Variants in GPRIN3 observed in about 807,000 individuals in gnomAD.
GPRIN3 encodes the protein GPRIN family member 3, also known as G protein-regulated inducer of neurite outgrowth 3.
Under a neutral mutation model 13.7 loss-of-function variants are expected in GPRIN3, and 12 were observed. The ratio of observed to expected loss-of-function variants is 0.87; its 90% confidence interval spans 0.56 to 1.42. The LOEUF is 1.42. Ranked by LOEUF, GPRIN3 falls within the 40% of genes most tolerant of loss-of-function variation. The pLI, the probability that GPRIN3 is intolerant of heterozygous loss-of-function variation, is 0.00. For synonymous variants in GPRIN3, 377 were observed against 372.7 expected (o/e 1.01, Z -0.13); for missense variants, 1,009 against 958.7 (o/e 1.05, Z -0.69).
rs145832556 is a variant in GPRIN3, at chr4:89,273,492, A to G, written c.-123-23259T>C. Among the ~76,000 whole-genome samples, 635 of 152,174 alleles carry G rather than the reference A, an allele frequency of 4.2e-3. 6 individuals are homozygous for G. The highest frequency in any genetic ancestry group is 0.014 in the Middle Eastern group (4 of 294). On this transcript the variant is annotated intron_variant, in intron 1 of 1. Transcript: ENST00000609438. ...GTCAGGAGTTCAAGACCAGTTCAAGACCTGGCCAAAATGGTTAAACCCTGT... is the reference window on the plus strand; with the variant it reads ...GTCAGGAGTTCAAGACCAGTTCAAGGCCTGGCCAAAATGGTTAAACCCTGT...
chr4:89,281,480 A>G (rs909480703), intron 1 of GPRIN3, among the ~76,000 whole-genome samples: 1 of 152,202 alleles, frequency 6.6e-6, no homozygotes, highest in African/African-American at 2.4e-5. Context: ...TGTCGTGAAG[A>G]CAGCACTAAG....
chr4:89,298,745 C>T (rs1449602948), intron 1 of GPRIN3, among the ~76,000 whole-genome samples: 1 of 151,870 alleles, frequency 6.6e-6, no homozygotes, highest in Non-Finnish European at 1.5e-5. Context: ...TTTCTTAAAC[C>T]AGGGCCTTCT....
chr4:89,306,318 G>A (rs7653939), intron 1 of GPRIN3, among the ~76,000 whole-genome samples: 52,306 of 151,896 alleles, frequency 0.34, 11,053 homozygotes, highest in East Asian at 0.54. Flanking sequence ...AAGCACATTC[G>A]GGCGAAGTAC....
intron 1 of GPRIN3, among the ~76,000 whole-genome samples, chr4:89,287,727 C>G (rs1245293757): frequency 6.6e-6 from 1 of 152,114 alleles, no homozygotes; most frequent in African/African-American, 2.4e-5. Context: ...TTTCAAAGTT[C>G]TAACCCTGAA....
intron 1 of GPRIN3, among the ~76,000 whole-genome samples, chr4:89,260,525 G>T (rs1723595460): frequency 6.6e-6 from 1 of 152,146 alleles, no homozygotes; most frequent in Non-Finnish European, 1.5e-5. Context: ...TTTGCTTTTT[G>T]CCCTTAAGGA....
Position 89,241,595 on chromosome 4 carries a change from C to T in GPRIN3, c.*6185G>A, listed in dbSNP as rs1353920071. On this transcript the variant is annotated 3_prime_UTR_variant, in exon 2 of 2. Coordinates refer to ENST00000609438, the MANE Select transcript of GPRIN3 (RefSeq NM_198281.3). ...TTAATAAAAGGTATCTCCAGGGGCCCTTAAAACAAGAATTAGTCTTTCCTC... is the reference window on the plus strand; with the variant it reads ...TTAATAAAAGGTATCTCCAGGGGCCTTTAAAACAAGAATTAGTCTTTCCTC... 1.3e-5 allele frequency: 2 copies of T among 152,126 alleles called. No individual in the cohort carries two copies. The highest frequency in any genetic ancestry group is 2.9e-5 in the Non-Finnish European group (2 of 67,996). 9.4% of individuals were successfully genotyped at this position (152,126 alleles called of 1,614,324 possible).
chr4:89,273,315 G>A (rs1161830214), intron 1 of GPRIN3, among the ~76,000 whole-genome samples: 7 of 152,190 alleles, frequency 4.6e-5, no homozygotes, highest in Non-Finnish European at 1.0e-4. Context: ...TTAATCTGGA[G>A]TCAAACAGAT....
In GPRIN3 at chr4:89,274,473, G is replaced by C. The variant is rs534725773; in HGVS notation, c.-123-24240C>G. ...TGTACTAAAAGATACTTGCCTTTTT[G>C]ACTATGTTGATATTTGCACGGACTG... On this transcript the variant is annotated intron_variant, in intron 1 of 1. Coordinates refer to ENST00000609438, the MANE Select transcript of GPRIN3 (RefSeq NM_198281.3). Among the ~76,000 whole-genome samples the C allele has an allele frequency of 8.5e-5, 13 of 152,204 alleles. No individual in the cohort carries two copies. The South Asian group carries it at 2.5e-3, about 29-fold the overall frequency.
chr4:89,294,578 C>CA (rs1211815227), intron 1 of GPRIN3, among the ~76,000 whole-genome samples: 1 of 152,178 alleles, frequency 6.6e-6, no homozygotes, highest in Non-Finnish European at 1.5e-5. Context: ...CCCATACTGG[C>CA]ACACAGATAA....
intron 1 of GPRIN3, among the ~76,000 whole-genome samples, chr4:89,303,525 A>G (rs1323943709): frequency 6.6e-6 from 1 of 152,226 alleles, no homozygotes; most frequent in African/African-American, 2.4e-5. Flanking sequence ...AAGTAGCAGT[A>G]TTAGGAAAAT....
intron 1 of GPRIN3, among the ~76,000 whole-genome samples, chr4:89,270,596 T>TATATATATATATATAA (rs1723920895): frequency 7.8e-6 from 1 of 128,660 alleles, no homozygotes; most frequent in Non-Finnish European, 1.6e-5. Context: ...TATATATATA[T>TATATATATATATATAA]ATATAAAATA....
At position 89,248,333 on chromosome 4, in the gene GPRIN3, A is replaced by G. The variant is rs1578069143; in HGVS notation, c.1778T>C (p.Leu593Ser). 1 of 1,614,054 alleles carries G rather than the reference A, an allele frequency of 6.2e-7. No individual in the cohort carries two copies. Among genetic ancestry groups the G allele is most frequent in the Non-Finnish European group, 8.5e-7 (1 of 1,180,020 alleles). ...TGTCTTGGTCTGTCTGTTTTCTTCT[A>G]AGGTGCTCTCCTGGTTCTTCCTAAT... The part of the protein sequence containing the change: ...SPIRKNQEST[L>S]EENRQTKTAT... Residue 593 changes from leucine to serine, a missense_variant, in exon 2 of 2, where the codon TTA becomes TCA. Physicochemically the swap from Leu to Ser is moderately radical, Grantham distance 145. Transcript: ENST00000609438.
chr4:89,241,447 C>G lies in GPRIN3; in HGVS notation c.*6333G>C, dbSNP rs112378442. ...GAATGTATTGACATACCACGACCAG[C>G]TACAGTATTATGCACGACATATTGT... is the stretch of plus-strand genomic sequence containing the variant. On this transcript the variant is annotated 3_prime_UTR_variant, in exon 2 of 2. Coordinates refer to ENST00000609438, the MANE Select transcript of GPRIN3 (RefSeq NM_198281.3). The G allele has an allele frequency of 6.6e-6, 1 of 152,122 alleles. No homozygotes were observed. Among genetic ancestry groups the G allele is most frequent in the Non-Finnish European group, 1.5e-5 (1 of 68,018 alleles). 9.4% of individuals were successfully genotyped at this position (152,122 alleles called of 1,614,324 possible).
intron 1 of GPRIN3, among the ~76,000 whole-genome samples, chr4:89,276,353 T>A (rs1458243082): frequency 6.6e-6 from 1 of 152,240 alleles, no homozygotes; most frequent in Non-Finnish European, 1.5e-5. Context: ...GATATTCTAA[T>A]TCATCTTTTA....
chr4:89,289,723 A>G (rs1449500346), intron 1 of GPRIN3, among the ~76,000 whole-genome samples: 2 of 152,246 alleles, frequency 1.3e-5, no homozygotes, highest in African/African-American at 4.8e-5. Flanking sequence ...ACCTTCATGC[A>G]TGAGGCACAG....
chr4:89,257,659 T>C (rs959933452), intron 1 of GPRIN3, among the ~76,000 whole-genome samples: 2 of 152,228 alleles, frequency 1.3e-5, no homozygotes, highest in Non-Finnish European at 2.9e-5. Context: ...TGAGTCCACA[T>C]TGTTAACCAG....
intron 1 of GPRIN3, among the ~76,000 whole-genome samples, chr4:89,274,331 T>G (rs1371560764): frequency 6.6e-6 from 1 of 152,222 alleles, no homozygotes; most frequent in African/African-American, 2.4e-5. Flanking sequence ...AGGTGTGGGA[T>G]AACAGCAAGG....
chr4:89,279,698 A>T (rs1724192111), intron 1 of GPRIN3, among the ~76,000 whole-genome samples: 1 of 152,114 alleles, frequency 6.6e-6, no homozygotes, highest in Non-Finnish European at 1.5e-5. Context: ...ATATTCTGAC[A>T]CTGTCCTCTG....
intron 1 of GPRIN3, among the ~76,000 whole-genome samples, chr4:89,299,205 C>T (rs1236165183): frequency 2.0e-5 from 3 of 152,102 alleles, no homozygotes; most frequent in Non-Finnish European, 4.4e-5. Flanking sequence ...AAATGCCACT[C>T]TCTTCAAAGA....
Sources: allele counts gnomAD v4.1 joint callset (sites outside exome capture counted in the v4.1 genomes callset), GRCh38; gene constraint gnomAD v4.1.1; transcripts MANE v1.5; gene names NCBI Gene and HGNC (gene_info 2026-07-23, HGNC 2026-07-21).